Variants in EFCAB11 observed in about 807,000 individuals in gnomAD.
EFCAB11 encodes EF-hand calcium binding domain 11, also known as EF-hand calcium-binding domain-containing protein 11.
A neutral mutation model predicts 23.0 loss-of-function variants in EFCAB11; 14 were observed. That is an observed-to-expected ratio of 0.61 (90% CI 0.40 to 0.95). EFCAB11 has a LOEUF of 0.95. EFCAB11 is among the 40% of genes least tolerant of loss of function. The probability of loss-of-function intolerance (pLI) is 0.00; values close to 1 mark genes in which losing one functional copy is unlikely to be tolerated. For synonymous variants in EFCAB11, 65 were observed against 66.6 expected (o/e 0.98, Z 0.11); for missense variants, 198 against 195.8 (o/e 1.01, Z -0.07).
At chr14:89,916,228 G>A (rs942866705) in intron 5 of EFCAB11, among the ~76,000 whole-genome samples, 3 of 151,414 alleles carry the variant, frequency 2.0e-5, no homozygotes, top group Non-Finnish European at 4.4e-5. Context: ...AGTACATCTA[G>A]CTACTTGTGA....
rs548189121 is a variant in EFCAB11 at position 89,817,692 on chromosome 14, C to T, written c.411-20368G>A. On this transcript the variant is annotated intron_variant, in intron 5 of 5. Transcript: ENST00000316738. ...CTATTTAAAACACACGAGAAAATTA[C>T]AAGTAAAATGCAGTTGCAAGGCCAG... 2.6e-5 allele frequency among the ~76,000 whole-genome samples: 4 copies of T among 152,096 alleles called. No individual in the cohort carries two copies. In the South Asian group the frequency reaches 8.3e-4, roughly 32 times the overall value.
chr14:89,937,863 A>T (rs1181994237), intron 3 of EFCAB11: 1 of 151,546 alleles, frequency 6.6e-6, no homozygotes, highest in Non-Finnish European at 1.5e-5. Flanking sequence ...TACTTAATAC[A>T]TGTATATATA....
In EFCAB11 at chr14:89,810,695, G is replaced by A. The variant is rs1886122128; in HGVS notation, c.411-13371C>T. Among the ~76,000 whole-genome samples the A allele has an allele frequency of 1.3e-5, 2 of 149,822 alleles. 1 individual carries two copies. Among genetic ancestry groups the A allele is most frequent in the South Asian group, 4.2e-4 (2 of 4,774 alleles). ...CACTTGAACTCGACAGGCAAAGGTT[G>A]CAGTGAGCTGAGATTGCGCCACTGC... On this transcript the variant is annotated intron_variant, in intron 5 of 5. Coordinates refer to ENST00000316738, the MANE Select transcript of EFCAB11 (RefSeq NM_145231.4).
At chr14:89,884,814 T>G (rs1354850777) in intron 5 of EFCAB11, among the ~76,000 whole-genome samples, 2 of 152,180 alleles carry the variant, frequency 1.3e-5, no homozygotes, top group Non-Finnish European at 2.9e-5. Flanking sequence ...GGGAAGTAAT[T>G]AGGTCATGAG....
chr14:89,850,685 AATTG>A (rs1296312777), intron 5 of EFCAB11, among the ~76,000 whole-genome samples: 2 of 152,220 alleles, frequency 1.3e-5, no homozygotes, highest in African/African-American at 2.4e-5. Context: ...TGTGTGTATG[AATTG>A]ATGAATCAAT....
chr14:89,825,330 T>C (rs147973677), intron 5 of EFCAB11, among the ~76,000 whole-genome samples: 128 of 152,224 alleles, frequency 8.4e-4, no homozygotes, highest in African/African-American at 2.9e-3. Context: ...AATTGTGGTA[T>C]GCAGTTAAAG....
Position 89,946,659 on chromosome 14 carries a change from A to G in EFCAB11, c.217+3438T>C, listed in dbSNP as rs151128167. Reference sequence around the variant, plus strand: ...ATGATAATGGCTAAGTGCAACCTCAAACTCCTGGGCTCAAGGGATCCTGCC... The same window carrying G: ...ATGATAATGGCTAAGTGCAACCTCAGACTCCTGGGCTCAAGGGATCCTGCC... On this transcript the variant is annotated intron_variant, in intron 3 of 5. Transcript: ENST00000316738. Among the ~76,000 whole-genome samples the G allele has an allele frequency of 2.2e-3, 338 of 151,976 alleles. 3 individuals carry two copies. The highest frequency in any genetic ancestry group is 7.8e-3 in the African/African-American group (323 of 41,434).
At chr14:89,811,811 T>G (rs1300211742) in intron 5 of EFCAB11, among the ~76,000 whole-genome samples, 1 of 152,154 alleles carries the variant, frequency 6.6e-6, no homozygotes, top group African/African-American at 2.4e-5. Flanking sequence ...GATGATAAAT[T>G]TGTGTTGTTT....
At chr14:89,892,795 C>T (rs893810985) in intron 5 of EFCAB11, among the ~76,000 whole-genome samples, 5 of 151,812 alleles carry the variant, frequency 3.3e-5, no homozygotes, top group Admixed American at 2.6e-4. Context: ...CCAGTTACTC[C>T]GGAGGCTAAG....
intron 2 of EFCAB11, among the ~76,000 whole-genome samples, chr14:89,953,477 C>T (rs1422327528): frequency 1.3e-5 from 2 of 152,158 alleles, no homozygotes; most frequent in East Asian, 1.9e-4. Context: ...TGGTAGGCGG[C>T]GAGCGGATTT....
At chr14:89,944,611 C>CA (rs1890901730) in intron 3 of EFCAB11, among the ~76,000 whole-genome samples, 1 of 151,924 alleles carries the variant, frequency 6.6e-6, no homozygotes, top group Non-Finnish European at 1.5e-5. Context: ...GGAATATTCA[C>CA]AAAAAACCCT....
At chr14:89,943,570 T>C (rs1406205639) in intron 3 of EFCAB11, among the ~76,000 whole-genome samples, 1 of 152,128 alleles carries the variant, frequency 6.6e-6, no homozygotes, top group African/African-American at 2.4e-5. Flanking sequence ...ATCCAAACAT[T>C]AAGAAGAGAG....
intron 5 of EFCAB11, among the ~76,000 whole-genome samples, chr14:89,895,034 G>A (rs1485394995): frequency 6.6e-6 from 1 of 152,144 alleles, no homozygotes; most frequent in Admixed American, 6.5e-5. Context: ...TCTACAGTGA[G>A]TTGATTAACC....
At chr14:89,919,542 A>G (rs1406777844) in intron 5 of EFCAB11, among the ~76,000 whole-genome samples, 1 of 152,214 alleles carries the variant, frequency 6.6e-6, no homozygotes, top group Non-Finnish European at 1.5e-5. Context: ...TAATGACAAG[A>G]GTCCAGGATT....
intron 3 of EFCAB11, among the ~76,000 whole-genome samples, chr14:89,938,729 C>T (rs1396288954): frequency 6.6e-6 from 1 of 151,994 alleles, no homozygotes; most frequent in African/African-American, 2.4e-5. Flanking sequence ...AAAGACCAGC[C>T]TGGCCAACAT....
At chr14:89,868,223 T>C (rs181287226) in intron 5 of EFCAB11, among the ~76,000 whole-genome samples, 4 of 152,274 alleles carry the variant, frequency 2.6e-5, no homozygotes, top group African/African-American at 7.2e-5. Flanking sequence ...CATCATCAAG[T>C]CAAGTGAATA....
chr14:89,836,565 A>T (rs1454688317), intron 5 of EFCAB11: 2 of 456,746 alleles, frequency 4.4e-6, no homozygotes, highest in South Asian at 3.1e-5. Flanking sequence ...ACCAGACGTC[A>T]GTACTCCCCT....
intron 5 of EFCAB11, among the ~76,000 whole-genome samples, chr14:89,900,929 A>C (rs1482912162): frequency 6.6e-6 from 1 of 152,218 alleles, no homozygotes; most frequent in African/African-American, 2.4e-5. Context: ...TGGAAAGTTT[A>C]ATTCGGTGGA....
At chr14:89,834,648 G>A (rs895864621) in intron 5 of EFCAB11, among the ~76,000 whole-genome samples, 1 of 152,170 alleles carries the variant, frequency 6.6e-6, no homozygotes, top group African/African-American at 2.4e-5. Context: ...TTAGAAGGTA[G>A]GCTCAAGAGT....
Sources: allele counts gnomAD v4.1 joint callset (sites outside exome capture counted in the v4.1 genomes callset), GRCh38; gene constraint gnomAD v4.1.1; transcripts MANE v1.5; gene names NCBI Gene and HGNC (gene_info 2026-07-23, HGNC 2026-07-21).